Variants in PUM1 observed in about 807,000 individuals in gnomAD.
PUM1 encodes pumilio RNA binding family member 1.
A neutral mutation model predicts 131.8 loss-of-function variants in PUM1; 13 were observed. That is an observed-to-expected ratio of 0.10 (90% CI 0.06 to 0.16). The LOEUF (loss-of-function observed/expected upper bound fraction) is 0.16. Ranked by LOEUF, PUM1 falls within the 10% of genes least tolerant of loss-of-function variation. PUM1 has a pLI of 1.00. For synonymous variants in PUM1, 509 were observed against 556.5 expected (o/e 0.91, Z 1.20); for missense variants, 961 against 1,512.4 (o/e 0.64, Z 6.05).
At chr1:30,967,695 A>T (rs1269320239) in intron 11 of PUM1, among the ~76,000 whole-genome samples, 1 of 152,216 alleles carries the variant, frequency 6.6e-6, no homozygotes. Context: ...AACAGGTTAA[A>T]GTTATTTATT....
rs1202829659 is a variant in PUM1 at position 31,006,947 on chromosome 1, C to A, written c.541+47G>T. The A allele has an allele frequency of 2.1e-6, 3 of 1,452,994 alleles. No homozygotes were observed. The South Asian group carries it at 3.5e-5, about 17-fold the overall frequency. 90.0% of individuals were successfully genotyped at this position (1,452,994 alleles called of 1,614,324 possible). A position where few individuals can be genotyped will look rare whatever the true frequency, so the allele number is the denominator to read the frequency against. On this transcript the variant is annotated intron_variant, in intron 4 of 21. Coordinates refer to ENST00000426105, the MANE Select transcript of PUM1 (RefSeq NM_001020658.2). ...ACTTGCCAATTGCTGAGGAAAGGAG[C>A]TCTAAGACAGGCATAAATCACAGTA...
At position 30,932,638 on chromosome 1, in the gene PUM1, A is replaced by ATT. The variant is rs1480082021; in HGVS notation, c.*571_*572dup. The ATT allele has an allele frequency of 8.0e-3, 694 of 86,674 alleles. 5 individuals carry two copies. Among genetic ancestry groups the ATT allele is most frequent in the African/African-American group, 0.033 (608 of 18,306 alleles). 5.4% of individuals were successfully genotyped at this position (86,674 alleles called of 1,614,324 possible). On this transcript the variant is annotated 3_prime_UTR_variant, in exon 22 of 22. Coordinates refer to ENST00000426105, the MANE Select transcript of PUM1 (RefSeq NM_001020658.2). ...CTTTAGCAACTCTGAAACCTTTTTC[A>ATT]TTATATATATATATATATATATATA...
At chr1:31,057,007 G>A (rs1030310081) in intron 2 of PUM1, among the ~76,000 whole-genome samples, 1 of 152,052 alleles carries the variant, frequency 6.6e-6, no homozygotes, top group Non-Finnish European at 1.5e-5. Flanking sequence ...TGGTCAGGCT[G>A]GTCTCAAACT....
chr1:30,959,741 AC>A (rs1640326268), intron 14 of PUM1, among the ~76,000 whole-genome samples: 1 of 151,866 alleles, frequency 6.6e-6, no homozygotes, highest in African/African-American at 2.4e-5. Context: ...CCCCATCTCT[AC>A]AAAAAATACA....
intron 7 of PUM1, among the ~76,000 whole-genome samples, chr1:30,985,338 G>A (rs1397976539): frequency 2.0e-5 from 3 of 152,056 alleles, no homozygotes; most frequent in East Asian, 3.9e-4. Flanking sequence ...CAGAGGGCAG[G>A]ACTCCTCCTA....
chr1:31,046,205 G>A (rs1163682118), intron 2 of PUM1, among the ~76,000 whole-genome samples: 1 of 151,942 alleles, frequency 6.6e-6, no homozygotes, highest in African/African-American at 2.4e-5. Context: ...TCACCAAGAA[G>A]GAGAAATCCC....
At chr1:31,005,799 G>A (rs1355608136) in intron 5 of PUM1, 54 bp downstream of exon 5, 1 of 385,244 alleles carries the variant, frequency 2.6e-6, no homozygotes, top group Non-Finnish European at 3.3e-6. Context: ...AAAAGAGAGA[G>A]AGAGAGAGAG....
chr1:30,997,236 A>C (rs908983488), intron 5 of PUM1, among the ~76,000 whole-genome samples: 1 of 152,216 alleles, frequency 6.6e-6, no homozygotes. Flanking sequence ...AGAAAGGGCC[A>C]GGCGCAGTGG....
intron 2 of PUM1, among the ~76,000 whole-genome samples, chr1:31,048,455 T>C (rs1334679965): frequency 6.6e-6 from 1 of 151,262 alleles, no homozygotes; most frequent in Non-Finnish European, 1.5e-5. Context: ...TTCTTTTTTC[T>C]TTTTTCTTTT....
intron 2 of PUM1, among the ~76,000 whole-genome samples, chr1:31,057,511 G>A (rs1644270217): frequency 6.6e-6 from 1 of 151,142 alleles, no homozygotes; most frequent in South Asian, 2.1e-4. Flanking sequence ...GATCACATGA[G>A]GTCAGGAGTT....
chr1:30,989,129 CCT>C (rs1374550528), intron 7 of PUM1, among the ~76,000 whole-genome samples: 2 of 152,132 alleles, frequency 1.3e-5, no homozygotes, highest in Non-Finnish European at 1.5e-5. Context: ...ATCTCTTCAA[CCT>C]CTCTAGTTAT....
At chr1:31,053,885 A>G (rs1371232233) in intron 2 of PUM1, among the ~76,000 whole-genome samples, 5 of 152,066 alleles carry the variant, frequency 3.3e-5, no homozygotes, top group Non-Finnish European at 5.9e-5. Context: ...ACCTGAGGTT[A>G]GGAGTTCGAG....
chr1:30,983,482 G>C (rs1030819819), intron 7 of PUM1, among the ~76,000 whole-genome samples: 1 of 152,148 alleles, frequency 6.6e-6, no homozygotes, highest in Non-Finnish European at 1.5e-5. Context: ...CAGGTGCTGT[G>C]ACATGGAACT....
chr1:31,038,984 A>ATATATATATATATATATTTTTTTTTTTT, intron 2 of PUM1, among the ~76,000 whole-genome samples: 1 of 49,416 alleles, frequency 2.0e-5, no homozygotes, highest in African/African-American at 2.1e-4. Context: ...ATATATATAT[A>ATATATATATATATATATTTTTTTTTTTT]TTTTTTTTTT....
intron 7 of PUM1, among the ~76,000 whole-genome samples, chr1:30,991,131 A>T (rs573960662): frequency 7.5e-4 from 114 of 152,282 alleles, no homozygotes; most frequent in African/African-American, 2.6e-3. Flanking sequence ...AACCCTTCTT[A>T]AAAAACACAG....
chr1:31,006,946 G>T, intron 4 of PUM1, 48 bp downstream of exon 4: 1 of 1,432,374 alleles, frequency 7.0e-7, no homozygotes, highest in African/African-American at 1.4e-5. Context: ...GAGGAAAGGA[G>T]CTCTAAGACA....
At chr1:30,954,400 C>A (rs966066450) in intron 14 of PUM1, among the ~76,000 whole-genome samples, 3 of 152,132 alleles carry the variant, frequency 2.0e-5, no homozygotes, top group African/African-American at 7.2e-5. Context: ...TCTTGAATAA[C>A]CCCCATTTCC....
intron 2 of PUM1, among the ~76,000 whole-genome samples, chr1:31,037,647 G>A (rs1167375021): frequency 6.6e-6 from 1 of 151,988 alleles, no homozygotes; most frequent in African/African-American, 2.4e-5. Flanking sequence ...TTGAACCAAG[G>A]AAGCGGCCAA....
intron 6 of PUM1, among the ~76,000 whole-genome samples, chr1:30,992,902 C>T (rs1641844183): frequency 6.6e-6 from 1 of 152,204 alleles, no homozygotes; most frequent in Admixed American, 6.5e-5. Context: ...TATTAATTTA[C>T]ATCCCTTCAC....
Sources: allele counts gnomAD v4.1 joint callset (sites outside exome capture counted in the v4.1 genomes callset), GRCh38; gene constraint gnomAD v4.1.1; transcripts MANE v1.5; gene names NCBI Gene and HGNC (gene_info 2026-07-23, HGNC 2026-07-21).